The following EXOC4 variants were observed in gnomAD, a reference collection of about 807,000 sequenced individuals.
The protein encoded by EXOC4 is exocyst complex component 4, also known as SEC8-like 1.
EXOC4 carries 71 observed loss-of-function variants against 107.2 expected under a neutral mutation model. The observed-to-expected ratio is 0.66, with a 90% CI of 0.55 to 0.81. The LOEUF (loss-of-function observed/expected upper bound fraction) is 0.81. Among genes scored for constraint, EXOC4 ranks in the 30% least tolerant of loss-of-function variants. The pLI is 0.00. For synonymous variants in EXOC4, 456 were observed against 441.2 expected, an observed-to-expected ratio of 1.03 and a Z score of -0.42; for missense variants, 1,108 against 1,189.6, an observed-to-expected ratio of 0.93 and a Z score of 1.01.
intron 7 of EXOC4, among the ~76,000 whole-genome samples, chr7:133,443,606 C>T (rs1056067088): frequency 9.8e-5 from 15 of 152,288 alleles, no homozygotes; most frequent in African/African-American, 3.6e-4. Flanking sequence ...TGCAGCTCTA[C>T]AGATTCACTT....
the EXOC4 span, among the ~76,000 whole-genome samples, chr7:134,081,805 TGGAGGTGAA>T: frequency 4.6e-5 from 7 of 152,152 alleles, no homozygotes; most frequent in Admixed American, 2.0e-4. Flanking sequence ...GGTGAAGGGT[TGGAGGTGAA>T]GGAGGTGATG....
chr7:133,558,201 C>CTTTTCTTTTCTTTTTTTTTT (rs1255650484), intron 9 of EXOC4, among the ~76,000 whole-genome samples: 1 of 125,824 alleles, frequency 7.9e-6, no homozygotes, highest in Non-Finnish European at 1.6e-5. Flanking sequence ...CTTTTCTTTT[C>CTTTTCTTTTCTTTTTTTTTT]TTTTCTTTTC....
chr7:134,015,089 T>C (rs1794869964), intron 17 of EXOC4, among the ~76,000 whole-genome samples: 1 of 151,690 alleles, frequency 6.6e-6, no homozygotes, highest in Non-Finnish European at 1.5e-5. Flanking sequence ...AGGAAGGAGG[T>C]GGTGAAAGAA....
chr7:134,088,865 ATTAT>A, the EXOC4 span, among the ~76,000 whole-genome samples: 1 of 152,162 alleles, frequency 6.6e-6, no homozygotes, highest in Non-Finnish European at 1.5e-5. Flanking sequence ...AATAAGTTTT[ATTAT>A]ATTTGTCAGT....
chr7:133,826,707 A>G (rs1179571718), intron 11 of EXOC4, among the ~76,000 whole-genome samples: 1 of 152,196 alleles, frequency 6.6e-6, no homozygotes, highest in Admixed American at 6.5e-5. Context: ...ATGAATAAAA[A>G]TATTTTCTAC....
chr7:134,081,360 A>T, the EXOC4 span, among the ~76,000 whole-genome samples: 3 of 152,090 alleles, frequency 2.0e-5, no homozygotes, highest in East Asian at 5.8e-4. Context: ...AAAAAATTAA[A>T]TAAATAAATA....
intron 14 of EXOC4, among the ~76,000 whole-genome samples, chr7:133,949,717 C>T (rs563365735): frequency 1.3e-5 from 2 of 152,134 alleles, no homozygotes; most frequent in Non-Finnish European, 2.9e-5. Context: ...TTTATCATGC[C>T]GGACAGTCTC....
chr7:133,493,202 A>G (rs1195184334), intron 9 of EXOC4, among the ~76,000 whole-genome samples: 1 of 152,174 alleles, frequency 6.6e-6, no homozygotes, highest in Non-Finnish European at 1.5e-5. Context: ...AGGTGGGTGG[A>G]TCACCTGAGG....
intron 17 of EXOC4, among the ~76,000 whole-genome samples, chr7:134,015,527 A>T (rs934609279): frequency 1.3e-5 from 2 of 152,142 alleles, no homozygotes; most frequent in African/African-American, 4.8e-5. Flanking sequence ...TAGGACTTGG[A>T]TTTGAGGAAG....
At chr7:133,484,553 A>G (rs1305947395) in intron 9 of EXOC4, among the ~76,000 whole-genome samples, 1 of 152,154 alleles carries the variant, frequency 6.6e-6, no homozygotes, top group Non-Finnish European at 1.5e-5. Context: ...AAAAACAAAA[A>G]CAAAAAACAA....
At chr7:133,883,054 A>G (rs749277616) in intron 11 of EXOC4, among the ~76,000 whole-genome samples, 27 of 152,268 alleles carry the variant, frequency 1.8e-4, no homozygotes, top group Middle Eastern at 3.4e-3. Context: ...TTCCCAGTCA[A>G]TACCCTCTCT....
intron 4 of EXOC4, among the ~76,000 whole-genome samples, chr7:133,311,277 G>A (rs1446277412): frequency 6.6e-6 from 1 of 152,100 alleles, no homozygotes; most frequent in Non-Finnish European, 1.5e-5. Context: ...AAAGCATATT[G>A]TAAAGCTGTT....
intron 9 of EXOC4, among the ~76,000 whole-genome samples, chr7:133,602,529 C>A (rs1369767774): frequency 6.6e-6 from 1 of 152,140 alleles, no homozygotes; most frequent in Non-Finnish European, 1.5e-5. Flanking sequence ...AATGCGAGAA[C>A]TAAAAGCTGT....
intron 10 of EXOC4, among the ~76,000 whole-genome samples, chr7:133,725,054 T>C (rs1227993600): frequency 6.6e-6 from 1 of 152,244 alleles, no homozygotes; most frequent in Non-Finnish European, 1.5e-5. Flanking sequence ...ACAATAGCAC[T>C]TTCTGTGATG....
chr7:133,644,035 C>G (rs1179947460), intron 10 of EXOC4, among the ~76,000 whole-genome samples: 1 of 152,170 alleles, frequency 6.6e-6, no homozygotes, highest in East Asian at 1.9e-4. Context: ...GACCCGGCCT[C>G]CCGTTCATTC....
In EXOC4 at chr7:133,654,230, G is replaced by T. The variant is rs748751813; in HGVS notation, c.1514+24089G>T. On this transcript the variant is annotated intron_variant, in intron 10 of 17. Transcript: ENST00000253861. ...GACCTTAAATTCATTAGTATTCCGA[G>T]AACTGTGAGTGAAACTGTTTAGCCC... 4.3e-4 allele frequency among the ~76,000 whole-genome samples: 65 copies of T among 152,144 alleles called. 1 individual carries two copies. The highest frequency in any genetic ancestry group is 7.4e-5 in the Non-Finnish European group (5 of 68,024).
the EXOC4 span, among the ~76,000 whole-genome samples, chr7:134,075,709 C>G: frequency 6.6e-6 from 1 of 152,264 alleles, no homozygotes; most frequent in East Asian, 1.9e-4. Flanking sequence ...CAGGGCTCTT[C>G]TGTGTTTGGG....
At chr7:134,018,749 A>G (rs980639708) in intron 17 of EXOC4, among the ~76,000 whole-genome samples, 1 of 151,816 alleles carries the variant, frequency 6.6e-6, no homozygotes, top group Non-Finnish European at 1.5e-5. Flanking sequence ...CTACTGAATT[A>G]TAAAGTTCTT....
intron 17 of EXOC4, among the ~76,000 whole-genome samples, chr7:134,061,493 C>A (rs1412617007): frequency 6.6e-6 from 1 of 152,156 alleles, no homozygotes; most frequent in East Asian, 1.9e-4. Context: ...CAGGAATCTG[C>A]ACTTTTCATA....
Sources: allele counts gnomAD v4.1 joint callset (sites outside exome capture counted in the v4.1 genomes callset), GRCh38; gene constraint gnomAD v4.1.1; transcripts MANE v1.5; gene names NCBI Gene and HGNC (gene_info 2026-07-23, HGNC 2026-07-21).